The following CORO1C variants were observed in gnomAD, a reference collection of about 807,000 sequenced individuals.
CORO1C encodes the protein coronin-1C.
In CORO1C, 14 loss-of-function variants were observed where a neutral mutation model predicts 51.2. The observed-to-expected ratio is 0.27, with a 90% CI of 0.18 to 0.43. CORO1C has a LOEUF of 0.43. Among genes scored for constraint, CORO1C ranks in the 20% least tolerant of loss-of-function variants. CORO1C has a pLI of 1.00. For synonymous variants in CORO1C, 181 were observed against 210.5 expected (o/e 0.86, Z 1.21); for missense variants, 417 against 607.8 (o/e 0.69, Z 3.30).
rs1156431763 is a variant in CORO1C at position 108,658,936 on chromosome 12, C to T, written c.449-17G>A. On this transcript the variant is annotated splice_polypyrimidine_tract_variant and intron_variant, in intron 4 of 10. Transcript: ENST00000261401. The surrounding 1 kb of genome is among the most constrained non-coding windows in gnomAD (Gnocchi z 4.9). ...TATCACAGCCTAAAACAGGCAAAAC[C>T]ATCAGAGATTAGAAGATTAGAAACA... The T allele has an allele frequency of 2.5e-6, 4 of 1,596,484 alleles. No homozygotes were observed. Among genetic ancestry groups the T allele is most frequent in the Non-Finnish European group, 2.6e-6 (3 of 1,165,332 alleles).
At chr12:108,715,137 A>C (rs1185774262) in intron 1 of CORO1C, among the ~76,000 whole-genome samples, 2 of 151,310 alleles carry the variant, frequency 1.3e-5, no homozygotes, top group African/African-American at 4.9e-5. Context: ...GGGAGGCTGA[A>C]GCAGGAAGAT....
chr12:108,707,865 T>C (rs1452863246), intron 1 of CORO1C, among the ~76,000 whole-genome samples: 1 of 152,168 alleles, frequency 6.6e-6, no homozygotes, highest in South Asian at 2.1e-4. Flanking sequence ...AAATGTCCAA[T>C]ACACATGAAA....
intron 1 of CORO1C, among the ~76,000 whole-genome samples, chr12:108,711,437 T>C (rs1440686143): frequency 6.6e-6 from 1 of 152,000 alleles, no homozygotes; most frequent in Admixed American, 6.6e-5. Flanking sequence ...CCCAGCACTT[T>C]GGGAGGCCAA....
chr12:108,656,679 G>C (rs2033033637), intron 6 of CORO1C, among the ~76,000 whole-genome samples: 1 of 152,222 alleles, frequency 6.6e-6, no homozygotes, highest in African/African-American at 2.4e-5. Context: ...AGTAGACATG[G>C]GAGACTTCAT....
chr12:108,726,426 C>CAA (rs1264132577), intron 1 of CORO1C, among the ~76,000 whole-genome samples: 54 of 92,980 alleles, frequency 5.8e-4, no homozygotes, highest in African/African-American at 2.0e-3. Context: ...GACTCTGTCT[C>CAA]AAAAAAAAAA....
At chr12:108,682,763 T>C (rs989280412) in intron 2 of CORO1C, among the ~76,000 whole-genome samples, 5 of 152,136 alleles carry the variant, frequency 3.3e-5, no homozygotes, top group Non-Finnish European at 4.4e-5. Flanking sequence ...AAATTATCAA[T>C]TAGGAGACCA....
At chr12:108,717,177 A>C (rs1051816687) in intron 1 of CORO1C, among the ~76,000 whole-genome samples, 1 of 152,242 alleles carries the variant, frequency 6.6e-6, no homozygotes, top group Admixed American at 6.5e-5. Context: ...TAAGAGAAGA[A>C]AAGTGAGTCC....
At chr12:108,726,544 T>A (rs2035597405) in intron 1 of CORO1C, among the ~76,000 whole-genome samples, 1 of 151,440 alleles carries the variant, frequency 6.6e-6, no homozygotes, top group Non-Finnish European at 1.5e-5. Flanking sequence ...GCATGGTGCA[T>A]CACGCCTATA....
At chr12:108,710,862 T>G (rs879865665) in intron 1 of CORO1C, among the ~76,000 whole-genome samples, 2 of 152,130 alleles carry the variant, frequency 1.3e-5, no homozygotes, top group Non-Finnish European at 2.9e-5. Flanking sequence ...GCGCCTGGCC[T>G]AAAATTTTTC....
At chr12:108,670,790 T>C (rs921099742) in intron 3 of CORO1C, among the ~76,000 whole-genome samples, 6 of 151,156 alleles carry the variant, frequency 4.0e-5, no homozygotes, top group African/African-American at 7.3e-5. Flanking sequence ...AAAGACATGC[T>C]CAAAAGAGAT....
chr12:108,718,798 T>C (rs2035404329), intron 1 of CORO1C, among the ~76,000 whole-genome samples: 1 of 152,194 alleles, frequency 6.6e-6, no homozygotes, highest in South Asian at 2.1e-4. Context: ...TATCAGTATC[T>C]ATAATAGAGT....
rs1358914865 is a variant in CORO1C at position 108,658,833 on chromosome 12, T to C, written c.535A>G (p.Asn179Asp). The C allele has an allele frequency of 6.2e-7, 1 of 1,613,898 alleles. No homozygotes were observed. The change falls in exon 5 of 11, where the codon AAT (asparagine) becomes GAT (aspartate). Residue 179 changes from asparagine to aspartate, a missense_variant. Asn to Asp is a conservative substitution (Grantham distance 23). Transcript: ENST00000261401. This position sits in a 1 kb window ranked among gnomAD's most constrained non-coding sequence, Gnocchi z 4.9. ...CTGCCATTCCGGTTCCAGCTCACAT[T>C]GTAAATCATGTCTGAATGCATATCG... ...LDDMHSDMIY[N>D]VSWNRNGSLI...
intron 1 of CORO1C, among the ~76,000 whole-genome samples, chr12:108,725,583 C>T (rs1322017383): frequency 6.6e-6 from 1 of 152,154 alleles, no homozygotes; most frequent in Non-Finnish European, 1.5e-5. Flanking sequence ...AAGGCCTGCA[C>T]CCTCACGGCC....
rs2034052638 is a variant in CORO1C, at chr12:108,679,607, T to C, written c.196-1213A>G. Among the ~76,000 whole-genome samples the C allele has an allele frequency of 2.0e-5, 3 of 152,238 alleles. No homozygotes were observed. In the South Asian group the frequency reaches 6.2e-4, roughly 32 times the overall value. On this transcript the variant is annotated intron_variant, in intron 2 of 10. Transcript: ENST00000261401. Reference sequence around the variant, plus strand: ...ATCTATTTTTTGTTGTTTTTGCTCTTATATGGCAAATCATCCCAACACTGG... The same window carrying C: ...ATCTATTTTTTGTTGTTTTTGCTCTCATATGGCAAATCATCCCAACACTGG...
At chr12:108,709,546 T>C (rs1357817719) in intron 1 of CORO1C, among the ~76,000 whole-genome samples, 1 of 152,208 alleles carries the variant, frequency 6.6e-6, no homozygotes, top group Non-Finnish European at 1.5e-5. Flanking sequence ...ATGGTATTAG[T>C]GTTTTACCAC....
chr12:108,694,099 C>G (rs1565925448), intron 2 of CORO1C, among the ~76,000 whole-genome samples: 4 of 151,986 alleles, frequency 2.6e-5, no homozygotes, highest in Admixed American at 2.6e-4. Flanking sequence ...CTGGCCAACA[C>G]AGTGAAACTC....
intron 1 of CORO1C, among the ~76,000 whole-genome samples, chr12:108,719,712 A>T (rs2035429430): frequency 6.6e-6 from 1 of 152,108 alleles, no homozygotes; most frequent in Admixed American, 6.5e-5. Flanking sequence ...TAATGACAAT[A>T]GCGCATTAAA....
chr12:108,716,651 GTTGT>G (rs547817303), intron 1 of CORO1C, among the ~76,000 whole-genome samples: 53 of 152,076 alleles, frequency 3.5e-4, no homozygotes, highest in Non-Finnish European at 6.6e-4. Flanking sequence ...TGGTCCTCTG[GTTGT>G]TTGTTTCTTC....
At chr12:108,663,782 T>A (rs1321965427) in intron 3 of CORO1C, among the ~76,000 whole-genome samples, 1 of 152,218 alleles carries the variant, frequency 6.6e-6, no homozygotes, top group East Asian at 1.9e-4. Flanking sequence ...TTGTGAATAT[T>A]CTAAAACTCA....
Sources: gnomAD v4.1 joint callset for allele counts (sites outside exome capture counted in the v4.1 genomes callset) on GRCh38, gnomAD v4.1.1 for gene constraint, Gnocchi (gnomAD v3.1) non-coding constraint, MANE v1.5 for transcripts, NCBI Gene and HGNC (gene_info 2026-07-23, HGNC 2026-07-21) for gene names.